The following TPP2 variants were observed in gnomAD, a reference collection of about 807,000 sequenced individuals.
The protein encoded by TPP2 is tripeptidyl-peptidase 2.
TPP2 carries 34 observed loss-of-function variants against 155.9 expected under a neutral mutation model. The ratio of observed to expected loss-of-function variants is 0.22; its 90% CI spans 0.17 to 0.29. The LOEUF (loss-of-function observed/expected upper bound fraction) is 0.29, where lower values mean the gene tolerates loss of function less well. TPP2 is among the 10% of genes least tolerant of loss of function. TPP2 has a pLI of 1.00. For missense variants in TPP2, 1,028 were observed against 1,522.3 expected (o/e 0.68, Z 5.40); for synonymous variants, 510 against 529.4 (o/e 0.96, Z 0.50).
intron 1 of TPP2, 85 bp from the exon 2 acceptor site, chr13:102,604,708 C>T: frequency 7.2e-7 from 1 of 1,394,960 alleles, no homozygotes; most frequent in South Asian, 1.4e-5. Flanking sequence ...TTTGTATATA[C>T]ACACACATAT....
chr13:102,679,075 T>G lies in TPP2; in HGVS notation c.*759T>G, dbSNP rs1293236921. On this transcript the variant is annotated 3_prime_UTR_variant, in exon 30 of 30. Transcript: ENST00000376052. ...TAAAATTGAAATAATGTAAAACACA[T>G]GAATAAATTTGCAAAACCAAGATCA... The G allele has an allele frequency of 6.6e-6, 1 of 152,590 alleles. No individual in the cohort carries two copies. The highest frequency in any genetic ancestry group is 1.5e-5 in the Non-Finnish European group (1 of 68,028). 9.5% of individuals were successfully genotyped at this position (152,590 alleles called of 1,614,324 possible). A position where few individuals can be genotyped will look rare whatever the true frequency, so the allele number is the denominator to read the frequency against.
intron 2 of TPP2, among the ~76,000 whole-genome samples, chr13:102,611,539 G>A (rs1454458992): frequency 6.6e-6 from 1 of 152,154 alleles, no homozygotes; most frequent in Non-Finnish European, 1.5e-5. Flanking sequence ...AGCTGGGCAT[G>A]GTGGTGCACA....
At chr13:102,610,299 G>A (rs755013097) in intron 2 of TPP2, among the ~76,000 whole-genome samples, 5 of 151,848 alleles carry the variant, frequency 3.3e-5, no homozygotes, top group Non-Finnish European at 7.4e-5. Context: ...TGTGATCTTG[G>A]CTCACTGCAA....
chr13:102,645,968 T>A (rs1034727816), intron 19 of TPP2, among the ~76,000 whole-genome samples: 3 of 128,458 alleles, frequency 2.3e-5, no homozygotes, highest in Admixed American at 2.2e-4. Context: ...TCAGAACCTG[T>A]CTTGCAACAC....
At chr13:102,676,175 C>CT in intron 28 of TPP2, 121 bp from the exon 29 acceptor site, 1 of 946,204 alleles carries the variant, frequency 1.1e-6, no homozygotes, top group Middle Eastern at 3.7e-4. Flanking sequence ...AAAATGTACT[C>CT]TATGTACCAT....
rs1231253085 is a variant in TPP2 at position 102,618,733 on chromosome 13, A to T, written c.507A>T (p.Leu169=). The T allele has an allele frequency of 2.8e-5, 45 of 1,613,584 alleles. No homozygotes were observed. Among genetic ancestry groups the T allele is most frequent in the Non-Finnish European group, 3.7e-5 (44 of 1,179,768 alleles). ...ANNGSSQANK[L]IKEELQSQVE... Reference sequence around the variant, plus strand: ...TTCCAACTGACTAGGCAAATAAACTAATCAAGGAGGAACTTCAAAGTCAAG... The same window carrying T: ...TTCCAACTGACTAGGCAAATAAACTTATCAAGGAGGAACTTCAAAGTCAAG... Residue 169 remains leucine (L), a synonymous_variant, in exon 5 of 30, where the codon CTA becomes CTT. Transcript: ENST00000376052.
intron 6 of TPP2, among the ~76,000 whole-genome samples, chr13:102,624,704 G>T (rs1401117606): frequency 6.6e-6 from 1 of 152,000 alleles, no homozygotes; most frequent in Non-Finnish European, 1.5e-5. Context: ...TCTTTATATA[G>T]CTACACCACA....
At chr13:102,624,750 G>A (rs1047192398) in intron 6 of TPP2, among the ~76,000 whole-genome samples, 1 of 151,216 alleles carries the variant, frequency 6.6e-6, no homozygotes, top group African/African-American at 2.4e-5. Flanking sequence ...TGGACGTTTA[G>A]ATTGTTTTGG....
chr13:102,640,738 C>T (rs656391), intron 16 of TPP2, among the ~76,000 whole-genome samples: 73,428 of 148,054 alleles, frequency 0.5, 18,578 homozygotes, highest in African/African-American at 0.6. Context: ...GCAACCTCCA[C>T]CTCCCCAGTT....
At chr13:102,629,334 T>C (rs977918061) in intron 8 of TPP2, 148 bp from the exon 9 acceptor site, 1 of 855,012 alleles carries the variant, frequency 1.2e-6, no homozygotes, top group African/African-American at 1.8e-5. Context: ...CCAAGTAGGG[T>C]ATATCACTTA....
At chr13:102,631,043 G>C (rs1424528618) in intron 10 of TPP2, among the ~76,000 whole-genome samples, 1 of 152,166 alleles carries the variant, frequency 6.6e-6, no homozygotes, top group Non-Finnish European at 1.5e-5. Context: ...TTAAAGGATG[G>C]ATAGGATGTT....
chr13:102,643,268 T>C lies in TPP2; in HGVS notation c.2067T>C (p.Val689=). The change falls in exon 17 of 30, where the codon GTT becomes GTC. Residue 689 remains valine (V), a synonymous_variant. Coordinates refer to ENST00000376052, the MANE Select transcript of TPP2 (RefSeq NM_001330588.2). ...CTTCTGAGGTGTCAGCAAAGTTTGT[T>C]CTACATGCAGTCCAGCTTGTGAAGC... ...SCSSEVSAKF[V]LHAVQLVKQR... is the part of the protein sequence containing the mutation. The C allele has an allele frequency of 1.2e-6, 2 of 1,611,692 alleles. No individual in the cohort carries two copies. Among genetic ancestry groups the C allele is most frequent in the Non-Finnish European group, 1.7e-6 (2 of 1,179,146 alleles).
At chr13:102,620,884 T>C (rs531719786) in intron 5 of TPP2, among the ~76,000 whole-genome samples, 1 of 152,350 alleles carries the variant, frequency 6.6e-6, no homozygotes, top group Admixed American at 6.5e-5. Flanking sequence ...TGTTTCCTTT[T>C]AGATTCTTGA....
rs1882899653 is a variant in TPP2, at chr13:102,643,464, A to ATT, written c.2175+88_2175+89insTT. On this transcript the variant is annotated intron_variant, in intron 17 of 29. Coordinates refer to ENST00000376052, the MANE Select transcript of TPP2 (RefSeq NM_001330588.2). ...ACTAAGTATTTGCATTTGATTTTAT[A>ATT]GTTTGTATTTAGCATGTTGGGATTA... 3 of 1,241,248 alleles carry ATT rather than the reference A, an allele frequency of 2.4e-6. No individual in the cohort carries two copies. In the African/African-American group the frequency reaches 4.7e-5, roughly 19 times the overall value. 76.9% of individuals were successfully genotyped at this position (1,241,248 alleles called of 1,614,324 possible).
At chr13:102,646,656 A>G (rs1251608957) in intron 20 of TPP2, among the ~76,000 whole-genome samples, 1 of 152,206 alleles carries the variant, frequency 6.6e-6, no homozygotes, top group Non-Finnish European at 1.5e-5. Context: ...CATTGGTGCC[A>G]TCTGACCCAG....
At chr13:102,657,670 A>G (rs1012270086) in intron 25 of TPP2, among the ~76,000 whole-genome samples, 7 of 152,166 alleles carry the variant, frequency 4.6e-5, no homozygotes, top group Non-Finnish European at 1.0e-4. Context: ...GATGCAACAT[A>G]ATCTATTTAA....
At chr13:102,608,127 C>T (rs1879990899) in intron 2 of TPP2, 1 of 152,228 alleles carries the variant, frequency 6.6e-6, no homozygotes, top group African/African-American at 2.4e-5. Context: ...TAATTGTGTT[C>T]AGTATGTCTT....
chr13:102,650,111 A>T (rs1883386713), intron 23 of TPP2, among the ~76,000 whole-genome samples: 1 of 152,116 alleles, frequency 6.6e-6, no homozygotes, highest in African/African-American at 2.4e-5. Context: ...TTACAGTTTT[A>T]TAAGTACCTA....
At chr13:102,622,214 A>G (rs972480459) in intron 5 of TPP2, among the ~76,000 whole-genome samples, 1 of 152,214 alleles carries the variant, frequency 6.6e-6, no homozygotes, top group African/African-American at 2.4e-5. Flanking sequence ...TTTAAAACAT[A>G]CTTAGAGCTA....
Sources: gnomAD v4.1 joint callset for allele counts (sites outside exome capture counted in the v4.1 genomes callset) on GRCh38, gnomAD v4.1.1 for gene constraint, MANE v1.5 for transcripts, NCBI Gene and HGNC (gene_info 2026-07-23, HGNC 2026-07-21) for gene names.